Variants in GRM7 observed in about 807,000 individuals in gnomAD.
The protein encoded by GRM7 is glutamate metabotropic receptor 7.
A neutral mutation model predicts 84.5 loss-of-function variants in GRM7; 35 were observed. The ratio of observed to expected loss-of-function variants is 0.41; its 90% CI spans 0.32 to 0.55. The LOEUF is 0.55. GRM7 is among the 20% of genes least tolerant of loss of function. The probability of loss-of-function intolerance (pLI) is 0.19; values close to 1 mark genes in which losing one functional copy is unlikely to be tolerated. For missense variants in GRM7, 1,003 were observed against 1,194.6 expected (o/e 0.84, Z 2.36); for synonymous variants, 487 against 455.1 (o/e 1.07, Z -0.89).
chr3:7,439,162 A>C (rs1697182943), intron 5 of GRM7, among the ~76,000 whole-genome samples: 1 of 152,186 alleles, frequency 6.6e-6, no homozygotes, highest in Admixed American at 6.5e-5. Context: ...AATTGTCCAT[A>C]GGTCTCTCAT....
rs570577951 is a variant in GRM7, at chr3:7,489,884, A to G, written c.1515+28162A>G. Among the ~76,000 whole-genome samples the G allele has an allele frequency of 1.3e-4, 19 of 151,890 alleles. No individual in the cohort carries two copies. In the South Asian group the frequency reaches 3.5e-3, roughly 28 times the overall value. ...AAATAATAAATATATGACATATAAC[A>G]GATTCATTAATTTATGATATTATAT... is the stretch of plus-strand genomic sequence containing the variant. On this transcript the variant is annotated intron_variant, in intron 7 of 9. Coordinates refer to ENST00000357716, the MANE Select transcript of GRM7 (RefSeq NM_000844.4).
At chr3:7,154,268 A>C (rs952784723) in intron 2 of GRM7, among the ~76,000 whole-genome samples, 7 of 152,164 alleles carry the variant, frequency 4.6e-5, no homozygotes, top group Non-Finnish European at 1.0e-4. Flanking sequence ...ATCACATATT[A>C]ATGGAGAAAA....
intron 5 of GRM7, among the ~76,000 whole-genome samples, chr3:7,442,770 A>G (rs1285483128): frequency 6.6e-6 from 1 of 152,134 alleles, no homozygotes; most frequent in African/African-American, 2.4e-5. Flanking sequence ...TTAATCCAAG[A>G]GCATCTGTAA....
Position 6,861,994 on chromosome 3 carries a change from G to T in GRM7, c.519+87G>T, listed in dbSNP as rs528282641. 8.8e-7 allele frequency: 1 copy of T among 1,135,216 alleles called. No homozygotes were observed. The highest frequency in any genetic ancestry group is 2.5e-5 in the East Asian group (1 of 40,678). The allele number at this position is 1,135,216 out of a possible 1,614,324, so 70.3% of individuals were successfully genotyped here. ...AGCTGGCTTGGACTCCGGTGGTGCG[G>T]GTCAGGTCAGCCTTCGCTCATTTCC... On this transcript the variant is annotated intron_variant, in intron 1 of 9. Transcript: ENST00000357716. The surrounding 1 kb of genome is among the most constrained non-coding windows in gnomAD (Gnocchi z 6.4).
intron 1 of GRM7, among the ~76,000 whole-genome samples, chr3:6,994,022 G>A (rs1447585798): frequency 6.6e-6 from 1 of 152,102 alleles, no homozygotes; most frequent in Non-Finnish European, 1.5e-5. Flanking sequence ...AATAGAAAAC[G>A]ATAATTGATT....
intron 5 of GRM7, among the ~76,000 whole-genome samples, chr3:7,440,160 G>A (rs1697229224): frequency 6.6e-6 from 1 of 152,130 alleles, no homozygotes; most frequent in Admixed American, 6.6e-5. Flanking sequence ...TCAAAGGGAG[G>A]CATGAATGAT....
intron 1 of GRM7, among the ~76,000 whole-genome samples, chr3:7,057,145 C>T (rs1478687323): frequency 1.3e-5 from 2 of 151,842 alleles, no homozygotes; most frequent in East Asian, 3.9e-4. Context: ...GTGATAGATT[C>T]CTAGAAACTT....
At chr3:7,182,905 T>TG in intron 2 of GRM7, among the ~76,000 whole-genome samples, 1 of 151,534 alleles carries the variant, frequency 6.6e-6, no homozygotes. Context: ...TGTTTTTTTT[T>TG]TTTTTTTTTT....
At chr3:7,374,295 C>T (rs1694255139) in intron 4 of GRM7, among the ~76,000 whole-genome samples, 1 of 151,726 alleles carries the variant, frequency 6.6e-6, no homozygotes, top group Non-Finnish European at 1.5e-5. Flanking sequence ...ATTTTCCCAC[C>T]TCAGTCTCTA....
intron 8 of GRM7, among the ~76,000 whole-genome samples, chr3:7,677,037 G>C (rs927037779): frequency 2.0e-5 from 3 of 151,958 alleles, no homozygotes; most frequent in African/African-American, 7.2e-5. Context: ...CGAGGCAGGA[G>C]GATCACGAGG....
intron 7 of GRM7, among the ~76,000 whole-genome samples, chr3:7,564,453 A>G (rs1694166952): frequency 6.6e-6 from 1 of 152,134 alleles, no homozygotes; most frequent in South Asian, 2.1e-4. Context: ...AACAGGCTGA[A>G]CTGTGTGTGG....
intron 2 of GRM7, among the ~76,000 whole-genome samples, chr3:7,205,178 C>T (rs757926443): frequency 2.6e-5 from 4 of 152,152 alleles, no homozygotes; most frequent in Non-Finnish European, 5.9e-5. Context: ...CACATGCAGT[C>T]TGTAGAAGTT....
intron 5 of GRM7, among the ~76,000 whole-genome samples, chr3:7,437,053 A>C (rs2124862613): frequency 6.6e-6 from 1 of 152,220 alleles, no homozygotes; most frequent in African/African-American, 2.4e-5. Flanking sequence ...ATTTCCTTTC[A>C]CACCAACCCT....
At chr3:6,879,448 AC>A (rs1310958984) in intron 1 of GRM7, among the ~76,000 whole-genome samples, 1 of 152,186 alleles carries the variant, frequency 6.6e-6, no homozygotes, top group African/African-American at 2.4e-5. Flanking sequence ...ATAACACACT[AC>A]ACCCTTACCT....
chr3:7,083,100 A>G (rs1698323860), intron 1 of GRM7, among the ~76,000 whole-genome samples: 1 of 152,152 alleles, frequency 6.6e-6, no homozygotes, highest in Non-Finnish European at 1.5e-5. Context: ...AAGAAATTCT[A>G]CTGAGGATAA....
At chr3:7,569,725 C>G (rs933544148) in intron 7 of GRM7, among the ~76,000 whole-genome samples, 1 of 152,092 alleles carries the variant, frequency 6.6e-6, no homozygotes, top group Non-Finnish European at 1.5e-5. Context: ...ATGAACCCAC[C>G]AGAGGAAGGA....
At chr3:7,042,253 A>T (rs1259171007) in intron 1 of GRM7, among the ~76,000 whole-genome samples, 3 of 151,928 alleles carry the variant, frequency 2.0e-5, no homozygotes, top group African/African-American at 7.3e-5. Context: ...TAGGAATTGA[A>T]TTGGAGGAGG....
chr3:7,386,740 G>T (rs576095776), intron 4 of GRM7, among the ~76,000 whole-genome samples: 1 of 152,222 alleles, frequency 6.6e-6, no homozygotes, highest in African/African-American at 2.4e-5. Flanking sequence ...TCAAGTGCGG[G>T]TGTCTTTTGG....
chr3:6,991,892 A>G (rs1018654754), intron 1 of GRM7, among the ~76,000 whole-genome samples: 1 of 152,160 alleles, frequency 6.6e-6, no homozygotes, highest in Non-Finnish European at 1.5e-5. Flanking sequence ...TTCCTCTTTT[A>G]ACCAAAATTT....
Sources: gnomAD v4.1 joint callset for allele counts (sites outside exome capture counted in the v4.1 genomes callset) on GRCh38, gnomAD v4.1.1 for gene constraint, Gnocchi (gnomAD v3.1) non-coding constraint, MANE v1.5 for transcripts, NCBI Gene and HGNC (gene_info 2026-07-23, HGNC 2026-07-21) for gene names.